HOOK3: variants seen among roughly 807,000 people sequenced by gnomAD.
HOOK3 encodes the protein protein Hook homolog 3.
A neutral mutation model predicts 116.3 loss-of-function variants in HOOK3; 24 were observed. The ratio of observed to expected loss-of-function variants is 0.21; its 90% CI spans 0.15 to 0.29. HOOK3 has a LOEUF of 0.29. HOOK3 is among the 10% of genes least tolerant of loss of function. The probability of loss-of-function intolerance (pLI) is 1.00; values close to 1 mark genes in which losing one functional copy is unlikely to be tolerated. For synonymous variants in HOOK3, 275 were observed against 283.0 expected, an observed-to-expected ratio of 0.97 and a Z score of 0.28; for missense variants, 632 against 830.2, an observed-to-expected ratio of 0.76 and a Z score of 2.93.
chr8:42,935,807 T>C (rs1807958592), intron 4 of HOOK3, among the ~76,000 whole-genome samples: 1 of 152,234 alleles, frequency 6.6e-6, no homozygotes, highest in Non-Finnish European at 1.5e-5. Context: ...TGTAGTATAG[T>C]TTGAAGTCAG....
chr8:42,999,666 C>T lies in HOOK3; in HGVS notation c.1620+2029C>T, dbSNP rs1017974686. 8.5e-5 allele frequency among the ~76,000 whole-genome samples: 13 copies of T among 152,118 alleles called. No homozygotes were observed. The East Asian group carries it at 2.5e-3, about 29-fold the overall frequency. ...ACAGTCCTTTCATGTGATCTTAAGTCGGAGTAGAAGGGGTTGCACATTTTT... is the reference window on the plus strand; with the variant it reads ...ACAGTCCTTTCATGTGATCTTAAGTTGGAGTAGAAGGGGTTGCACATTTTT... On this transcript the variant is annotated intron_variant, in intron 16 of 21. Transcript: ENST00000307602.
At chr8:42,998,512 G>C in intron 16 of HOOK3, among the ~76,000 whole-genome samples, 1 of 152,014 alleles carries the variant, frequency 6.6e-6, no homozygotes, top group East Asian at 1.9e-4. Flanking sequence ...CAAAACTATA[G>C]ATGTAGCCAA....
At chr8:42,926,929 A>G (rs1410312628) in intron 3 of HOOK3, among the ~76,000 whole-genome samples, 1 of 152,080 alleles carries the variant, frequency 6.6e-6, no homozygotes, top group Non-Finnish European at 1.5e-5. Flanking sequence ...TGCAACCCCT[A>G]ATTTGTTCTC....
intron 4 of HOOK3, among the ~76,000 whole-genome samples, chr8:42,938,985 T>A (rs1174207306): frequency 1.3e-5 from 2 of 152,138 alleles, no homozygotes; most frequent in Non-Finnish European, 2.9e-5. Flanking sequence ...TTAATCCATT[T>A]AACCCTGAGT....
At chr8:43,005,346 G>A (rs937847982) in intron 17 of HOOK3, among the ~76,000 whole-genome samples, 2 of 147,684 alleles carry the variant, frequency 1.4e-5, no homozygotes, top group Non-Finnish European at 3.0e-5. Flanking sequence ...TCAGCCTCCC[G>A]AGTAGCTAGG....
intron 3 of HOOK3, among the ~76,000 whole-genome samples, chr8:42,927,836 T>C (rs1193299645): frequency 6.6e-6 from 1 of 152,126 alleles, no homozygotes; most frequent in Non-Finnish European, 1.5e-5. Context: ...ACTCCTGGGC[T>C]CAAGCCATCC....
chr8:42,945,670 T>G (rs761376629), intron 5 of HOOK3, among the ~76,000 whole-genome samples: 22 of 152,218 alleles, frequency 1.4e-4, no homozygotes, highest in Non-Finnish European at 2.9e-4. Flanking sequence ...TTGTGAACTT[T>G]AAGGTAGCCG....
chr8:42,952,057 G>T (rs1039723081), intron 6 of HOOK3, among the ~76,000 whole-genome samples: 7 of 152,178 alleles, frequency 4.6e-5, no homozygotes, highest in Middle Eastern at 3.4e-3. Flanking sequence ...CCCAAAGTTG[G>T]GCCAAACTTC....
intron 17 of HOOK3, 152 bp downstream of exon 17, chr8:43,002,293 C>T (rs770555686): frequency 2.9e-4 from 158 of 543,464 alleles, no homozygotes; most frequent in Non-Finnish European, 4.7e-4. Flanking sequence ...AGGGTCACTT[C>T]TCCCCAAGGT....
chr8:42,963,738 A>G (rs549471014), intron 8 of HOOK3, among the ~76,000 whole-genome samples: 5 of 152,306 alleles, frequency 3.3e-5, no homozygotes, highest in Admixed American at 1.3e-4. Context: ...CATTTCCTTG[A>G]TAACTAATGA....
At chr8:42,915,407 C>T (rs1285229212) in intron 2 of HOOK3, among the ~76,000 whole-genome samples, 2 of 151,992 alleles carry the variant, frequency 1.3e-5, no homozygotes, top group Non-Finnish European at 1.5e-5. Context: ...GTCAGGGCTA[C>T]CGTGATGTAG....
chr8:42,907,413 C>T (rs1449796047), intron 2 of HOOK3, among the ~76,000 whole-genome samples: 1 of 152,072 alleles, frequency 6.6e-6, no homozygotes, highest in Admixed American at 6.5e-5. Context: ...TACATTTTTC[C>T]AGATATATAG....
In HOOK3 at chr8:43,025,543, T is replaced by G. The variant is rs1413418498; in HGVS notation, c.*7045T>G. On this transcript the variant is annotated 3_prime_UTR_variant, in exon 22 of 22. Transcript: ENST00000307602. ...GTAAAAGAGTAAACAAATATCTAATTTATTTTCTAATTGTCCTTCCCTTCA... is the reference window on the plus strand; with the variant it reads ...GTAAAAGAGTAAACAAATATCTAATGTATTTTCTAATTGTCCTTCCCTTCA... 4.7e-6 allele frequency: 1 copy of G among 211,554 alleles called. No homozygotes were observed. Among genetic ancestry groups the G allele is most frequent in the African/African-American group, 2.3e-5 (1 of 44,136 alleles). The allele number at this position is 211,554 out of a possible 1,614,324, so 13.1% of individuals were successfully genotyped here.
intron 5 of HOOK3, among the ~76,000 whole-genome samples, chr8:42,944,771 A>G (rs1367164010): frequency 6.6e-6 from 1 of 152,178 alleles, no homozygotes; most frequent in Non-Finnish European, 1.5e-5. Context: ...TTGAGCCAAG[A>G]TTGTGCCACT....
chr8:42,962,595 A>G (rs1244788955), intron 8 of HOOK3, among the ~76,000 whole-genome samples: 3 of 150,942 alleles, frequency 2.0e-5, no homozygotes, highest in Non-Finnish European at 3.0e-5. Flanking sequence ...TTGTGGAGAC[A>G]GGGTCTCACT....
chr8:43,011,463 G>A (rs1809611451), intron 19 of HOOK3, among the ~76,000 whole-genome samples: 1 of 152,120 alleles, frequency 6.6e-6, no homozygotes, highest in African/African-American at 2.4e-5. Context: ...GTGTGTGTGT[G>A]TGTGTGGAGA....
At chr8:42,908,766 G>T (rs1807364450) in intron 2 of HOOK3, among the ~76,000 whole-genome samples, 1 of 152,098 alleles carries the variant, frequency 6.6e-6, no homozygotes, top group Admixed American at 6.6e-5. Context: ...ATGATTTTTT[G>T]AATTTGACCC....
intron 15 of HOOK3, among the ~76,000 whole-genome samples, 186 bp from the exon 16 acceptor site, chr8:42,997,364 C>A (rs954247224): frequency 3.3e-5 from 5 of 152,224 alleles, no homozygotes; most frequent in Non-Finnish European, 5.9e-5. Context: ...TTCGAAATTT[C>A]AAGCAATACC....
chr8:42,942,692 G>A (rs1305932233), intron 4 of HOOK3, among the ~76,000 whole-genome samples: 2 of 152,140 alleles, frequency 1.3e-5, no homozygotes, highest in Non-Finnish European at 2.9e-5. Flanking sequence ...ATGGTCCTTG[G>A]TTGGTTGTTG....
Sources: allele counts gnomAD v4.1 joint callset (sites outside exome capture counted in the v4.1 genomes callset), GRCh38; gene constraint gnomAD v4.1.1; transcripts MANE v1.5; gene names NCBI Gene and HGNC (gene_info 2026-07-23, HGNC 2026-07-21).